The following COL11A1 variants were observed in gnomAD, a reference collection of about 807,000 sequenced individuals.
COL11A1 encodes the protein collagen type XI alpha 1 chain.
A neutral mutation model predicts 265.2 loss-of-function variants in COL11A1; 74 were observed. That is an observed-to-expected ratio of 0.28 (90% CI 0.23 to 0.34). COL11A1 has a LOEUF of 0.34. Ranked by LOEUF, COL11A1 falls within the 10% of genes least tolerant of loss-of-function variation. The pLI is 1.00. For missense variants in COL11A1, 2,165 were observed against 2,263.6 expected (o/e 0.96, Z 0.88); for synonymous variants, 816 against 727.6 (o/e 1.12, Z -1.96).
intron 42 of COL11A1, 142 bp downstream of exon 42, chr1:102,946,707 C>T: frequency 2.8e-6 from 2 of 705,554 alleles, no homozygotes; most frequent in East Asian, 5.5e-5. Flanking sequence ...CTCTATTATA[C>T]ATATACGAGC....
chr1:103,002,274 A>AT (rs549899806), intron 23 of COL11A1, among the ~76,000 whole-genome samples, 154 bp downstream of exon 23: 1 of 152,076 alleles, frequency 6.6e-6, no homozygotes, highest in Admixed American at 6.6e-5. Context: ...GTTTGCTCAA[A>AT]TTTTTTTAAA....
At chr1:102,892,425 T>C (rs1310548668) in intron 57 of COL11A1, among the ~76,000 whole-genome samples, 1 of 152,112 alleles carries the variant, frequency 6.6e-6, no homozygotes, top group Non-Finnish European at 1.5e-5. Context: ...GAACTATGGA[T>C]CTGATCCAAG....
At chr1:103,076,412 A>G (rs1340561748) in intron 3 of COL11A1, among the ~76,000 whole-genome samples, 1 of 152,070 alleles carries the variant, frequency 6.6e-6, no homozygotes, top group African/African-American at 2.4e-5. Flanking sequence ...ATCAAATACA[A>G]TACTCACAGT....
chr1:103,025,540 T>G lies in COL11A1; in HGVS notation c.971A>C (p.His324Pro). ...MESYQTEAPRHVSGTNEPNPV... is the reference protein window; with the variant it reads ...MESYQTEAPRPVSGTNEPNPV... ...TATTACCTCATTTGTCCCAGAAACA[T>G]GCCTAGGAGCTTCTGTCTGGTAACT... Residue 324 changes from histidine (H) to proline (P), a missense_variant, in exon 7 of 67, where the codon CAT becomes CCT. His to Pro is a moderately conservative substitution (Grantham distance 77). Coordinates refer to ENST00000370096, the MANE Select transcript of COL11A1 (RefSeq NM_001854.4). The G allele has an allele frequency of 6.2e-7, 1 of 1,612,956 alleles. No individual in the cohort carries two copies. The highest frequency in any genetic ancestry group is 8.5e-7 in the Non-Finnish European group (1 of 1,179,148).
chr1:103,107,014 A>T (rs1168334220), intron 1 of COL11A1, among the ~76,000 whole-genome samples: 1 of 151,928 alleles, frequency 6.6e-6, no homozygotes, highest in Non-Finnish European at 1.5e-5. Flanking sequence ...TTTCTACTCT[A>T]AGCTGTCTGG....
intron 4 of COL11A1, among the ~76,000 whole-genome samples, chr1:103,063,306 C>G (rs765487750): frequency 9.9e-5 from 15 of 151,944 alleles, no homozygotes; most frequent in Non-Finnish European, 2.1e-4. Context: ...CATTATCTGA[C>G]TTTAAGACTT....
intron 24 of COL11A1, among the ~76,000 whole-genome samples, chr1:102,999,229 G>T (rs957480276): frequency 2.0e-5 from 3 of 151,954 alleles, no homozygotes; most frequent in East Asian, 1.9e-4. Context: ...TACAATCATT[G>T]TATTCATATT....
At chr1:102,993,928 A>G (rs1475246556) in intron 28 of COL11A1, among the ~76,000 whole-genome samples, 3 of 152,132 alleles carry the variant, frequency 2.0e-5, no homozygotes, top group Non-Finnish European at 4.4e-5. Flanking sequence ...CCATAGGGAG[A>G]GCCAACTGGT....
At chr1:102,927,288 A>G (rs1656704056) in intron 46 of COL11A1, among the ~76,000 whole-genome samples, 2 of 152,198 alleles carry the variant, frequency 1.3e-5, no homozygotes, top group Admixed American at 6.6e-5. Flanking sequence ...TGGGACCTCA[A>G]TATCATTTAA....
At chr1:102,898,636 A>G in intron 56 of COL11A1, 30 bp downstream of exon 56, 1 of 1,577,628 alleles carries the variant, frequency 6.3e-7, no homozygotes, top group Non-Finnish European at 8.7e-7. Context: ...GTTATTTTCA[A>G]AATGGCATCT....
At chr1:102,932,424 C>G (rs529059741) in intron 46 of COL11A1, among the ~76,000 whole-genome samples, 2 of 152,206 alleles carry the variant, frequency 1.3e-5, no homozygotes, top group Non-Finnish European at 2.9e-5. Flanking sequence ...TTGGCCCCCA[C>G]TCTCTTCTGG....
chr1:103,056,228 G>A (rs990340041), intron 4 of COL11A1, among the ~76,000 whole-genome samples: 1 of 152,086 alleles, frequency 6.6e-6, no homozygotes, highest in Non-Finnish European at 1.5e-5. Context: ...GGGAATCTGA[G>A]ATGAGAAAAA....
intron 65 of COL11A1, among the ~76,000 whole-genome samples, chr1:102,880,176 C>T (rs767366795): frequency 5.9e-5 from 9 of 151,988 alleles, no homozygotes; most frequent in Non-Finnish European, 8.8e-5. Context: ...TCTTAGTTTC[C>T]TAAACAGTAA....
At chr1:103,027,399 ATATATAT>A (rs1667612641) in intron 5 of COL11A1, among the ~76,000 whole-genome samples, 6 of 18,008 alleles carry the variant, frequency 3.3e-4, no homozygotes, top group South Asian at 3.2e-3. Context: ...AAACTCTAAT[ATATATAT>A]ATATATATAT....
At chr1:102,907,320 A>T (rs1315063797) in intron 54 of COL11A1, among the ~76,000 whole-genome samples, 1 of 152,122 alleles carries the variant, frequency 6.6e-6, no homozygotes, top group African/African-American at 2.4e-5. Context: ...AGGTTATTTT[A>T]AAATAATTTA....
chr1:103,074,701 G>C lies in COL11A1; in HGVS notation c.568C>G (p.Leu190Val), dbSNP rs1350630820. The C allele has an allele frequency of 1.2e-6, 2 of 1,613,080 alleles. No homozygotes were observed. Among genetic ancestry groups the C allele is most frequent in the Admixed American group, 3.3e-5 (2 of 59,798 alleles). ...VDCKKKTTKP[L>V]DRSERAIVDT... is the part of the protein sequence containing the mutation. ...ACAATTGCTCTCTCACTTCTATCAA[G>C]TGGTTTCGTGGTTTTCTTCTTACAA... The change falls in exon 4 of 67, where the codon CTT becomes GTT. Residue 190 changes from leucine (L) to valine (V), a missense_variant. By Grantham distance (32) the Leu-to-Val change is conservative. Transcript: ENST00000370096.
chr1:102,934,542 T>C lies in COL11A1; in HGVS notation c.3507A>G (p.Glu1169=). ...GAPGIAGGDG[E]PGPRGQQGMF... is the part of the protein sequence containing the mutation. ...TCCCCTGCTGTCCTCTAGGACCTGG[T>C]TCACCATCACCTCCCTAGAGAAGAG... The change falls in exon 46 of 67, where the codon GAA becomes GAG. Residue 1169 remains glutamate (E), a synonymous_variant. Coordinates refer to ENST00000370096, the MANE Select transcript of COL11A1 (RefSeq NM_001854.4). The C allele has an allele frequency of 6.2e-7, 1 of 1,613,696 alleles. No homozygotes were observed. Among genetic ancestry groups the C allele is most frequent in the Non-Finnish European group, 8.5e-7 (1 of 1,179,620 alleles).
At chr1:103,020,716 G>GT (rs1398604973) in intron 9 of COL11A1, among the ~76,000 whole-genome samples, 1 of 109,134 alleles carries the variant, frequency 9.2e-6, no homozygotes, top group Non-Finnish European at 1.9e-5. Flanking sequence ...GGTTTTTATG[G>GT]TTTTAGGTCT....
Position 102,984,162 on chromosome 1 carries a change from T to C in COL11A1, c.2532A>G (p.Gly844=), listed in dbSNP as rs1236366721. The C allele has an allele frequency of 6.2e-7, 1 of 1,601,532 alleles. No homozygotes were observed. The highest frequency in any genetic ancestry group is 1.1e-5 in the South Asian group (1 of 90,022). The change falls in exon 31 of 67, where the codon GGA becomes GGG. Residue 844 remains glycine (G), a synonymous_variant. Coordinates refer to ENST00000370096, the MANE Select transcript of COL11A1 (RefSeq NM_001854.4). The stretch of plus-strand genomic sequence containing the variant: ...CCTTTGGACCTTGTCTTCCTGGATA[T>C]CCTGGTAATCCTGGAACTCCAAGTT... The part of the protein sequence containing the change: ...KGKLGVPGLP[G]YPGRQGPKGS...
Sources: allele counts gnomAD v4.1 joint callset (sites outside exome capture counted in the v4.1 genomes callset), GRCh38; gene constraint gnomAD v4.1.1; transcripts MANE v1.5; gene names NCBI Gene and HGNC (gene_info 2026-07-23, HGNC 2026-07-21).